Variants in TSHZ2 observed in about 807,000 individuals in gnomAD.
The protein encoded by TSHZ2 is teashirt homolog 2.
Under a neutral mutation model 74.4 loss-of-function variants are expected in TSHZ2, and 21 were observed. The ratio of observed to expected loss-of-function variants is 0.28; its 90% confidence interval spans 0.20 to 0.41. The LOEUF is 0.41. TSHZ2 is among the 10% of genes least tolerant of loss of function. The pLI, the probability that TSHZ2 is intolerant of heterozygous loss-of-function variation, is 1.00. For synonymous variants in TSHZ2, 540 were observed against 515.3 expected, an observed-to-expected ratio of 1.05 and a Z score of -0.65; for missense variants, 1,244 against 1,293.5, an observed-to-expected ratio of 0.96 and a Z score of 0.59.
chr20:53,276,983 G>A (rs1990960647), intron 2 of TSHZ2, among the ~76,000 whole-genome samples: 1 of 152,134 alleles, frequency 6.6e-6, no homozygotes, highest in South Asian at 2.1e-4. Flanking sequence ...CCTATTACAG[G>A]GGCTAAACAG....
At position 52,973,177 on chromosome 20, in the gene TSHZ2, G is replaced by C. The variant is rs577126900; in HGVS notation, c.-117G>C. ...GTCAGGGGGACAGAGGCCGAGTGAC[G>C]TCCTAGGAGCCACCGGGCAAGAGGC... is the stretch of plus-strand genomic sequence containing the variant. On this transcript the variant is annotated 5_prime_UTR_variant, in exon 1 of 3. Coordinates refer to ENST00000371497, the MANE Select transcript of TSHZ2 (RefSeq NM_173485.6). The C allele has an allele frequency of 2.9e-6, 4 of 1,364,742 alleles. No homozygotes were observed. The highest frequency in any genetic ancestry group is 1.9e-4 in the Middle Eastern group (1 of 5,256). The allele number at this position is 1,364,742 out of a possible 1,614,324, so 84.5% of individuals were successfully genotyped here.
intron 2 of TSHZ2, chr20:53,421,642 G>A (rs952003684): frequency 1.1e-4 from 20 of 186,312 alleles, no homozygotes; most frequent in Non-Finnish European, 1.8e-4. Context: ...TGCCATTGCC[G>A]ACTGTGGACC....
At chr20:53,132,159 T>A (rs1270677002) in intron 1 of TSHZ2, among the ~76,000 whole-genome samples, 1 of 152,070 alleles carries the variant, frequency 6.6e-6, no homozygotes, top group Non-Finnish European at 1.5e-5. Context: ...TCCTCAAATG[T>A]CTTGCTGTCT....
chr20:53,281,592 C>A (rs1454067447), intron 2 of TSHZ2, among the ~76,000 whole-genome samples: 1 of 152,182 alleles, frequency 6.6e-6, no homozygotes, highest in Non-Finnish European at 1.5e-5. Flanking sequence ...CTAGAGTTTA[C>A]CAGCCTATGG....
chr20:53,165,125 G>A (rs184955350), intron 1 of TSHZ2, among the ~76,000 whole-genome samples: 35 of 148,632 alleles, frequency 2.4e-4, no homozygotes, highest in African/African-American at 8.4e-4. Flanking sequence ...GGATGGATGG[G>A]TGGATGGATG....
At chr20:53,399,040 T>G (rs1982558630) in intron 2 of TSHZ2, 1 of 152,154 alleles carries the variant, frequency 6.6e-6, no homozygotes, top group African/African-American at 2.4e-5. Flanking sequence ...CATTATAGCT[T>G]GAGTAAGAAA....
chr20:53,401,774 CTTTTTTTTTTT>C (rs59656180), intron 2 of TSHZ2, among the ~76,000 whole-genome samples: 2 of 94,850 alleles, frequency 2.1e-5, no homozygotes, highest in African/African-American at 4.7e-5. Context: ...AACACATTTT[CTTTTTTTTTTT>C]TTTTTTTTTT....
chr20:53,153,096 C>A (rs1345572359), intron 1 of TSHZ2, among the ~76,000 whole-genome samples: 2 of 152,158 alleles, frequency 1.3e-5, no homozygotes, highest in Non-Finnish European at 2.9e-5. Flanking sequence ...TGAAATCACC[C>A]ATAACACAAT....
rs1220552744 is a variant in TSHZ2 at position 52,980,344 on chromosome 20, A to G, written c.40+7011A>G. Reference sequence around the variant, plus strand: ...GCATCTCTCTCCAAAGACTAATTTAATTGAAAAGCTGTAGTGTCCATTTAT... The same window carrying G: ...GCATCTCTCTCCAAAGACTAATTTAGTTGAAAAGCTGTAGTGTCCATTTAT... On this transcript the variant is annotated intron_variant, in intron 1 of 2. Coordinates refer to ENST00000371497, the MANE Select transcript of TSHZ2 (RefSeq NM_173485.6). Among the ~76,000 whole-genome samples, 5 of 152,068 alleles carry G rather than the reference A, an allele frequency of 3.3e-5. No homozygotes were observed. In the South Asian group the frequency reaches 1.0e-3, roughly 32 times the overall value.
rs1986498168 is a variant in TSHZ2, at chr20:53,493,373, G to C, written c.*6238G>C. On this transcript the variant is annotated 3_prime_UTR_variant, in exon 3 of 3. Transcript: ENST00000371497. ...AGGGAGGAACCAACTTCCTAATTCA[G>C]AGTTTTCCTTTTAAAGGCATGCTTT... 1 of 152,194 alleles carries C rather than the reference G, an allele frequency of 6.6e-6. No homozygotes were observed. Among genetic ancestry groups the C allele is most frequent in the Non-Finnish European group, 1.5e-5 (1 of 68,036 alleles). The allele number at this position is 152,194 out of a possible 1,614,324, so 9.4% of individuals were successfully genotyped here. A position where few individuals can be genotyped will look rare whatever the true frequency, so the allele number is the denominator to read the frequency against.
intron 2 of TSHZ2, among the ~76,000 whole-genome samples, chr20:53,485,574 T>G (rs1228785488): frequency 6.6e-6 from 1 of 152,070 alleles, no homozygotes; most frequent in African/African-American, 2.4e-5. Context: ...CTGGGCATGG[T>G]GATGCATGTC....
At chr20:53,089,959 A>C (rs549768418) in intron 1 of TSHZ2, among the ~76,000 whole-genome samples, 8 of 152,362 alleles carry the variant, frequency 5.3e-5, no homozygotes, top group African/African-American at 1.9e-4. Flanking sequence ...ACAATAGGCC[A>C]TCTGCAAGCT....
chr20:53,473,177 C>T (rs1985881518), intron 2 of TSHZ2, among the ~76,000 whole-genome samples: 1 of 146,352 alleles, frequency 6.8e-6, no homozygotes, highest in South Asian at 2.3e-4. Flanking sequence ...GTCCTGCCTG[C>T]CTCTGTAGGC....
At chr20:53,418,842 C>CT (rs980359676) in intron 2 of TSHZ2, among the ~76,000 whole-genome samples, 8 of 152,194 alleles carry the variant, frequency 5.3e-5, no homozygotes, top group Non-Finnish European at 1.2e-4. Flanking sequence ...CGCCAAAGGC[C>CT]TAACACTAAG....
chr20:53,240,675 C>T (rs1000602143), intron 1 of TSHZ2, among the ~76,000 whole-genome samples: 1 of 150,886 alleles, frequency 6.6e-6, no homozygotes, highest in African/African-American at 2.4e-5. Context: ...CTCCCAGAAG[C>T]AAATAAAACA....
intron 2 of TSHZ2, among the ~76,000 whole-genome samples, chr20:53,482,640 C>T (rs909033255): frequency 7.2e-5 from 11 of 152,176 alleles, no homozygotes; most frequent in Non-Finnish European, 1.3e-4. Flanking sequence ...TGGTGGCTCA[C>T]GCCTGTAATC....
At chr20:53,244,115 A>G (rs1168291216) in intron 1 of TSHZ2, among the ~76,000 whole-genome samples, 1 of 152,080 alleles carries the variant, frequency 6.6e-6, no homozygotes, top group African/African-American at 2.4e-5. Context: ...TTCAAGTAAA[A>G]TTGGAATATA....
At chr20:53,466,489 T>C (rs1377004992) in intron 2 of TSHZ2, among the ~76,000 whole-genome samples, 1 of 152,192 alleles carries the variant, frequency 6.6e-6, no homozygotes, top group Non-Finnish European at 1.5e-5. Flanking sequence ...CTGTGAATCA[T>C]GTTGTTGGCG....
chr20:53,076,227 G>C (rs111873689), intron 1 of TSHZ2, among the ~76,000 whole-genome samples: 221 of 152,318 alleles, frequency 1.5e-3, no homozygotes, highest in Middle Eastern at 0.014. Context: ...CCAAGCAAGA[G>C]ATGATGAGAG....
Sources: gnomAD v4.1 joint callset for allele counts (sites outside exome capture counted in the v4.1 genomes callset) on GRCh38, gnomAD v4.1.1 for gene constraint, MANE v1.5 for transcripts, NCBI Gene and HGNC (gene_info 2026-07-23, HGNC 2026-07-21) for gene names.